TMEM175: variants seen among roughly 807,000 people sequenced by gnomAD.
The protein encoded by TMEM175 is transmembrane protein 175, also known as endosomal/lysosomal proton channel TMEM175.
Under a neutral mutation model 36.5 loss-of-function variants are expected in TMEM175, and 36 were observed. That is an observed-to-expected ratio of 0.99 (90% CI 0.76 to 1.30). The LOEUF is 1.30. TMEM175 is among the 50% of genes most tolerant of loss of function. The pLI is 0.00. For missense variants in TMEM175, 705 were observed against 692.8 expected (o/e 1.02, Z -0.20); for synonymous variants, 339 against 313.4 (o/e 1.08, Z -0.86).
At position 942,742 on chromosome 4, in the gene TMEM175, C is replaced by T. The variant is rs182972066; in HGVS notation, c.-31-4967C>T. ...GCAACCTTCGCCTCCCAGGTTCAAG[C>T]GATTCTCTTGCTTCAGCCTCCTGAG... On this transcript the variant is annotated intron_variant, in intron 1 of 10. Transcript: ENST00000264771. Among the ~76,000 whole-genome samples, 633 of 151,826 alleles carry T rather than the reference C, an allele frequency of 4.2e-3. 1 individual carries two copies. Among genetic ancestry groups the T allele is most frequent in the Non-Finnish European group, 7.6e-3 (518 of 67,984 alleles).
chr4:947,893 G>T lies in TMEM175; in HGVS notation c.153+1G>T. 1 of 1,613,834 alleles carries T rather than the reference G, an allele frequency of 6.2e-7. No homozygotes were observed. Among genetic ancestry groups the T allele is most frequent in the Non-Finnish European group, 8.5e-7 (1 of 1,180,016 alleles). ...GCTGTCCATCATCGCCACCGTCATG[G>T]TCTGTACGGGGCCCCTGCTTAGGCC... On this transcript the variant is annotated splice_donor_variant, in intron 2 of 10. Coordinates refer to ENST00000264771, the MANE Select transcript of TMEM175 (RefSeq NM_032326.4). LOFTEE classifies it high-confidence loss of function.
intron 1 of TMEM175, among the ~76,000 whole-genome samples, chr4:940,165 T>G (rs2152997375): frequency 6.6e-6 from 1 of 152,230 alleles, no homozygotes; most frequent in East Asian, 1.9e-4. Context: ...AAAAGAGCAG[T>G]AGGCCAGGCG....
chr4:956,663 T>A (rs1042329772), intron 10 of TMEM175: 11 of 374,084 alleles, frequency 2.9e-5, no homozygotes, highest in Admixed American at 1.6e-4. Context: ...AGGCTGGTCT[T>A]GAACTCCTGA....
In TMEM175 at chr4:947,783, G is replaced by A. The variant is rs769113641; in HGVS notation, c.44G>A (p.Gly15Glu). The A allele has an allele frequency of 6.2e-7, 1 of 1,612,872 alleles. No homozygotes were observed. Among genetic ancestry groups the A allele is most frequent in the Non-Finnish European group, 8.5e-7 (1 of 1,179,916 alleles). ...RTPEQALDTP[G>E]DCPPGRRDED... is the part of the protein sequence containing the mutation. ...CCAGAGCAGGCACTGGATACACCGG[G>A]GGACTGCCCCCCAGGCAGGAGAGAC... is the stretch of plus-strand genomic sequence containing the variant. Residue 15 changes from glycine to glutamate, a missense_variant, in exon 2 of 11, where the codon GGG becomes GAG. Gly to Glu is a moderately conservative substitution (Grantham distance 98). Transcript: ENST00000264771.
At chr4:948,005 T>C (rs925840141) in intron 2 of TMEM175, 111 bp from the exon 3 acceptor site, 2 of 1,609,058 alleles carry the variant, frequency 1.2e-6, no homozygotes, top group Non-Finnish European at 1.7e-6. Context: ...CCCCAGCTCC[T>C]CAGGCAGCTT....
Position 958,485 on chromosome 4 carries a change from GC to G in TMEM175, c.1509del (p.Cys504AlafsTer?), listed in dbSNP as rs2153006801. On this transcript the variant is annotated frameshift_variant, in exon 11 of 11. Coordinates refer to ENST00000264771, the MANE Select transcript of TMEM175 (RefSeq NM_032326.4). LOFTEE classifies it high-confidence loss of function. The part of the protein sequence containing the change: ...QDDPQSQLLP[A>X]PC ...CGACCCACAGTCCCAGCTCCTCCCT[GC>G]CCCCTGCTAGCAGCCACAGAGCCCA... 6.5e-7 allele frequency: 1 copy of G among 1,535,928 alleles called. No individual in the cohort carries two copies. The highest frequency in any genetic ancestry group is 8.7e-7 in the Non-Finnish European group (1 of 1,145,282).
intron 1 of TMEM175, among the ~76,000 whole-genome samples, chr4:935,379 C>G (rs1165807931): frequency 1.3e-5 from 2 of 152,158 alleles, no homozygotes; most frequent in African/African-American, 4.8e-5. Flanking sequence ...TAGTCTTAAT[C>G]CCTATAACTG....
At chr4:941,010 TAATAA>T (rs1727392523) in intron 1 of TMEM175, among the ~76,000 whole-genome samples, 2 of 82,268 alleles carry the variant, frequency 2.4e-5, no homozygotes, top group South Asian at 8.1e-4. Context: ...CGTCTCAAAA[TAATAA>T]TAATAATAAT....
At position 948,344 on chromosome 4, in the gene TMEM175, C is replaced by A. The variant is rs754596846; in HGVS notation, c.192+190C>A. 590 of 1,535,918 alleles carry A rather than the reference C, an allele frequency of 3.8e-4. 2 individuals carry two copies. The highest frequency in any genetic ancestry group is 1.4e-3 in the South Asian group (115 of 83,642). On this transcript the variant is annotated intron_variant, in intron 3 of 10. Transcript: ENST00000264771. Reference sequence around the variant, plus strand: ...AGTCCTGCTCAGCCTGTGCTCACCCCGGCGGAGGTCCTGGCCTCCTGGGAG... The same window carrying A: ...AGTCCTGCTCAGCCTGTGCTCACCCAGGCGGAGGTCCTGGCCTCCTGGGAG...
intron 1 of TMEM175, among the ~76,000 whole-genome samples, chr4:934,313 G>A (rs1181986419): frequency 3.9e-5 from 6 of 152,260 alleles, no homozygotes; most frequent in Non-Finnish European, 8.8e-5. Flanking sequence ...TGGAGAAAGA[G>A]CAGTCAGTGA....
Position 941,439 on chromosome 4 carries a change from C to CTT in TMEM175, c.-31-6257_-31-6256dup, listed in dbSNP as rs1228124580. 8.4e-4 allele frequency among the ~76,000 whole-genome samples: 110 copies of CTT among 131,626 alleles called. 1 individual carries two copies. Among genetic ancestry groups the CTT allele is most frequent in the African/African-American group, 2.5e-3 (93 of 36,898 alleles). The allele number at this position is 131,626 out of a possible 152,430, so 86.4% of individuals were successfully genotyped here. On this transcript the variant is annotated intron_variant, in intron 1 of 10. Transcript: ENST00000264771. Reference sequence around the variant, plus strand: ...ACTCTGTACTTTCTGCTCTATTTTTCTTTTTTTTTTTTTTCTTGAGATGGA... The same window carrying CTT: ...ACTCTGTACTTTCTGCTCTATTTTTCTTTTTTTTTTTTTTTTCTTGAGATGGA...
Position 957,852 on chromosome 4 carries a change from G to A in TMEM175, c.871G>A (p.Val291Met). The change falls in exon 11 of 11, where the codon GTG becomes ATG. Residue 291 changes from valine to methionine, a missense_variant. Coordinates refer to ENST00000264771, the MANE Select transcript of TMEM175 (RefSeq NM_032326.4). The stretch of plus-strand genomic sequence containing the variant: ...AGACAACGTCCCGGACCCCAAGGAT[G>A]TGAAGGAGAGGTTCAGCGGCAGCCT... ...CEDNVPDPKD[V>M]KERFSGSLVA... 1 of 1,612,086 alleles carries A rather than the reference G, an allele frequency of 6.2e-7. No homozygotes were observed. The highest frequency in any genetic ancestry group is 8.5e-7 in the Non-Finnish European group (1 of 1,179,552).
intron 1 of TMEM175, among the ~76,000 whole-genome samples, chr4:943,997 A>C (rs769480104): frequency 2.0e-5 from 3 of 152,146 alleles, no homozygotes; most frequent in Admixed American, 2.0e-4. Context: ...CCACATTCTA[A>C]AAAAGGCAAA....
At chr4:955,975 A>G in intron 10 of TMEM175, 85 bp downstream of exon 10, 1 of 1,519,196 alleles carries the variant, frequency 6.6e-7, no homozygotes, top group South Asian at 1.2e-5. Context: ...AACCCCAGAA[A>G]GGCACAGGGG....
intron 3 of TMEM175, chr4:948,593 C>G: frequency 3.1e-6 from 4 of 1,305,356 alleles, no homozygotes; most frequent in South Asian, 1.2e-5. Context: ...ACTCCCACCC[C>G]GGCTGCTCCT....
At chr4:939,608 C>T (rs867747760) in intron 1 of TMEM175, among the ~76,000 whole-genome samples, 1 of 152,042 alleles carries the variant, frequency 6.6e-6, no homozygotes, top group Non-Finnish European at 1.5e-5. Flanking sequence ...CCCAGCTACT[C>T]AGGAGGCCGA....
At chr4:951,779 T>C in intron 6 of TMEM175, 62 bp downstream of exon 6, 1 of 1,571,848 alleles carries the variant, frequency 6.4e-7, no homozygotes, top group Non-Finnish European at 8.8e-7. Flanking sequence ...ATTTGACCTG[T>C]CCTCAAAAGC....
At chr4:934,339 AAG>A (rs1726558462) in intron 1 of TMEM175, among the ~76,000 whole-genome samples, 1 of 152,244 alleles carries the variant, frequency 6.6e-6, no homozygotes, top group South Asian at 2.1e-4. Context: ...GAAGAAAACC[AAG>A]AGAGTGTCGT....
At chr4:955,701 C>T (rs539470220) in intron 9 of TMEM175, 54 bp from the exon 10 acceptor site, 1 of 1,593,388 alleles carries the variant, frequency 6.3e-7, no homozygotes, top group Admixed American at 1.7e-5. Flanking sequence ...GCCACGCGGG[C>T]TCTACCTCCA....
Sources: gnomAD v4.1 joint callset for allele counts (sites outside exome capture counted in the v4.1 genomes callset) on GRCh38, gnomAD v4.1.1 for gene constraint, MANE v1.5 for transcripts, NCBI Gene and HGNC (gene_info 2026-07-23, HGNC 2026-07-21) for gene names.